Variants in CHL1 observed in about 807,000 individuals in gnomAD.
CHL1 encodes the protein neural cell adhesion molecule L1-like protein.
In CHL1, 96 loss-of-function variants were observed where a neutral mutation model predicts 141.9. The observed-to-expected ratio is 0.68, with a 90% CI of 0.57 to 0.80. The LOEUF (loss-of-function observed/expected upper bound fraction) is 0.80. Ranked by LOEUF, CHL1 falls within the 30% of genes least tolerant of loss-of-function variation. CHL1 has a pLI of 0.00. For missense variants in CHL1, 1,820 were observed against 1,457.2 expected (o/e 1.25, Z -4.05); for synonymous variants, 613 against 502.2 (o/e 1.22, Z -2.95).
intron 1 of CHL1, among the ~76,000 whole-genome samples, chr3:205,466 T>A (rs1318250447): frequency 3.9e-5 from 6 of 152,176 alleles, no homozygotes; most frequent in Non-Finnish European, 7.3e-5. Context: ...GATAGTGAAT[T>A]GTTTTTTAAG....
At chr3:224,471 T>C (rs943105525) in intron 1 of CHL1, among the ~76,000 whole-genome samples, 2 of 152,124 alleles carry the variant, frequency 1.3e-5, no homozygotes, top group African/African-American at 4.8e-5. Flanking sequence ...GGTGCTGTCC[T>C]CGTGATATAG....
intron 2 of CHL1, among the ~76,000 whole-genome samples, chr3:297,715 C>G (rs1270975183): frequency 1.3e-5 from 2 of 152,190 alleles, no homozygotes; most frequent in Non-Finnish European, 2.9e-5. Context: ...TCTGGGTTTG[C>G]TTTGTATCCC....
At chr3:291,437 C>T (rs1362857118) in intron 2 of CHL1, among the ~76,000 whole-genome samples, 6 of 150,058 alleles carry the variant, frequency 4.0e-5, no homozygotes, top group Non-Finnish European at 8.9e-5. Flanking sequence ...TTTCTTTTCT[C>T]TTCTTTTCTT....
At chr3:207,884 A>C (rs1331046453) in intron 1 of CHL1, among the ~76,000 whole-genome samples, 2 of 152,174 alleles carry the variant, frequency 1.3e-5, no homozygotes, top group East Asian at 3.9e-4. Context: ...ATTTGCTTGA[A>C]ATAACATTAA....
intron 26 of CHL1, among the ~76,000 whole-genome samples, chr3:399,443 C>T (rs1385498172): frequency 6.6e-6 from 1 of 152,066 alleles, no homozygotes; most frequent in African/African-American, 2.4e-5. Flanking sequence ...AGATCGAGAC[C>T]ATCCTGGCCA....
At chr3:360,207 T>C in intron 11 of CHL1, 77 bp from the exon 12 acceptor site, 1 of 1,500,450 alleles carries the variant, frequency 6.7e-7, no homozygotes, top group South Asian at 1.2e-5. Flanking sequence ...AAATACTGTG[T>C]GACACATTTA....
intron 2 of CHL1, among the ~76,000 whole-genome samples, chr3:287,000 G>C (rs986279325): frequency 7.2e-5 from 11 of 152,020 alleles, no homozygotes; most frequent in Non-Finnish European, 8.8e-5. Flanking sequence ...TTATCAGCAA[G>C]GTCTTTATGA....
intron 14 of CHL1, among the ~76,000 whole-genome samples, chr3:364,609 G>T (rs373394847): frequency 9.9e-4 from 150 of 151,946 alleles, no homozygotes; most frequent in Non-Finnish European, 1.9e-3. Flanking sequence ...AAATATATAC[G>T]AATCGTATCA....
intron 2 of CHL1, among the ~76,000 whole-genome samples, chr3:296,395 C>T (rs890810026): frequency 1.3e-5 from 2 of 152,016 alleles, no homozygotes; most frequent in Non-Finnish European, 2.9e-5. Context: ...TTAGGGATAC[C>T]TGATATTAGG....
At chr3:351,688 T>C (rs1703275681) in intron 10 of CHL1, among the ~76,000 whole-genome samples, 1 of 152,162 alleles carries the variant, frequency 6.6e-6, no homozygotes, top group African/African-American at 2.4e-5. Flanking sequence ...AGTAAAATCA[T>C]GGATTCGATT....
At chr3:303,547 G>A (rs1698952114) in intron 2 of CHL1, among the ~76,000 whole-genome samples, 1 of 152,088 alleles carries the variant, frequency 6.6e-6, no homozygotes, top group Non-Finnish European at 1.5e-5. Flanking sequence ...TGTTATTGGT[G>A]GATAGGAATG....
rs1702294394 is a variant in CHL1 at position 340,847 on chromosome 3, G to A, written c.439G>A (p.Asp147Asn). ...TGACCCTCTTGAAGTGGAGGAGGGA[G>A]ATCCAATTGTCCTCCCATGCAATCC... ...KIDPLEVEEG[D>N]PIVLPCNPPK... is the part of the protein sequence containing the mutation. Residue 147 changes from aspartate (D) to asparagine (N), a missense_variant, in exon 6 of 28, where the codon GAT becomes AAT. By Grantham distance (23) the Asp-to-Asn change is conservative. Transcript: ENST00000256509. 2 of 1,611,562 alleles carry A rather than the reference G, an allele frequency of 1.2e-6. No homozygotes were observed. Among genetic ancestry groups the A allele is most frequent in the South Asian group, 1.1e-5 (1 of 91,008 alleles).
chr3:208,363 C>T (rs1489373391), intron 1 of CHL1, among the ~76,000 whole-genome samples: 2 of 147,806 alleles, frequency 1.4e-5, no homozygotes, highest in Non-Finnish European at 2.9e-5. Context: ...ATTAAGCATG[C>T]ATTCCACTTC....
chr3:305,096 A>G (rs534232171), intron 2 of CHL1, among the ~76,000 whole-genome samples: 5 of 152,240 alleles, frequency 3.3e-5, no homozygotes, highest in Non-Finnish European at 7.4e-5. Flanking sequence ...ATATCTCTAG[A>G]GTTATAATTG....
intron 2 of CHL1, among the ~76,000 whole-genome samples, chr3:250,600 CT>C (rs1220936592): frequency 6.6e-6 from 1 of 152,058 alleles, no homozygotes; most frequent in African/African-American, 2.4e-5. Flanking sequence ...GTATGTCCTC[CT>C]TTTAGGCCTA....
rs571483542 is a variant in CHL1 at position 305,831 on chromosome 3, T to G, written c.-94-13852T>G. Among the ~76,000 whole-genome samples, 193 of 152,084 alleles carry G rather than the reference T, an allele frequency of 1.3e-3. 1 individual carries two copies. Among genetic ancestry groups the G allele is most frequent in the African/African-American group, 4.0e-3 (168 of 41,546 alleles). The stretch of plus-strand genomic sequence containing the variant: ...AATACGTTCCTTTGCCATTATTTTC[T>G]GTTACAATAAGAATATATTTTATTG... On this transcript the variant is annotated intron_variant, in intron 2 of 27. Coordinates refer to ENST00000256509, the MANE Select transcript of CHL1 (RefSeq NM_006614.4).
chr3:285,101 A>G (rs1403905257), intron 2 of CHL1, among the ~76,000 whole-genome samples: 2 of 152,244 alleles, frequency 1.3e-5, no homozygotes, highest in African/African-American at 4.8e-5. Context: ...ATGCTTACGC[A>G]TGTTTTCAAG....
chr3:311,867 GAGAAATAACTC>G (rs1365021581), intron 2 of CHL1, among the ~76,000 whole-genome samples: 1 of 152,048 alleles, frequency 6.6e-6, no homozygotes, highest in East Asian at 1.9e-4. Flanking sequence ...GTTGTTTTCT[GAGAAATAACTC>G]AGAAAATAAC....
At chr3:274,032 C>G (rs1695868946) in intron 2 of CHL1, among the ~76,000 whole-genome samples, 1 of 152,176 alleles carries the variant, frequency 6.6e-6, no homozygotes, top group Admixed American at 6.6e-5. Context: ...CCTCTCTGAC[C>G]AAATCCCTTC....
Sources: allele counts gnomAD v4.1 joint callset (sites outside exome capture counted in the v4.1 genomes callset), GRCh38; gene constraint gnomAD v4.1.1; transcripts MANE v1.5; gene names NCBI Gene and HGNC (gene_info 2026-07-23, HGNC 2026-07-21).